CIB3: variants seen among roughly 807,000 people sequenced by gnomAD.
The protein encoded by CIB3 is calcium and integrin binding family member 3.
Under a neutral mutation model 23.4 loss-of-function variants are expected in CIB3, and 22 were observed. The observed-to-expected ratio is 0.94, with a 90% CI of 0.67 to 1.34. The LOEUF (loss-of-function observed/expected upper bound fraction) is 1.34, where lower values mean the gene tolerates loss of function less well. CIB3 is among the 40% of genes most tolerant of loss of function. The pLI, the probability that CIB3 is intolerant of heterozygous loss-of-function variation, is 0.00. For synonymous variants in CIB3, 93 were observed against 95.8 expected (o/e 0.97, Z 0.17); for missense variants, 258 against 247.3 (o/e 1.04, Z -0.29).
intron 4 of CIB3, among the ~76,000 whole-genome samples, chr19:16,166,148 G>A (rs545684209): frequency 9.2e-5 from 14 of 152,048 alleles, no homozygotes; most frequent in Admixed American, 3.3e-4. Flanking sequence ...AAAAATTAGC[G>A]GGGCGTGGTG....
chr19:16,173,501 G>C lies in CIB3; in HGVS notation c.-26C>G. The C allele has an allele frequency of 6.2e-7, 1 of 1,610,578 alleles. No homozygotes were observed. The highest frequency in any genetic ancestry group is 8.5e-7 in the Non-Finnish European group (1 of 1,176,836). Reference sequence around the variant, plus strand: ...GGTGTGAACCACAGCCCAGACTTGGGGATGCACCCCAAAGGCTCCCAGCTT... The same window carrying C: ...GGTGTGAACCACAGCCCAGACTTGGCGATGCACCCCAAAGGCTCCCAGCTT... On this transcript the variant is annotated 5_prime_UTR_variant, in exon 1 of 6. Transcript: ENST00000269878.
chr19:16,172,983 AAGGG>A (rs973630892), intron 2 of CIB3, among the ~76,000 whole-genome samples, 175 bp downstream of exon 2: 9 of 70,348 alleles, frequency 1.3e-4, no homozygotes, highest in South Asian at 6.0e-4. Context: ...GGAAGGAAGG[AAGGG>A]AGGGAGGGAG....
chr19:16,167,204 G>C (rs1269594074), intron 4 of CIB3, among the ~76,000 whole-genome samples: 1 of 151,474 alleles, frequency 6.6e-6, no homozygotes, highest in Non-Finnish European at 1.5e-5. Flanking sequence ...CTGGGGGACA[G>C]AGCAAGACTT....
At position 16,172,021 on chromosome 19, in the gene CIB3, C is replaced by T. The variant is rs10422465; in HGVS notation, c.86+1141G>A. ...CATCTGTGCCCATCGTGCTGGGTCA[C>T]GCCAGGGACCTGCAGCAGCCTTGGG... is the stretch of plus-strand genomic sequence containing the variant. On this transcript the variant is annotated intron_variant, in intron 2 of 5. Transcript: ENST00000269878. Among the ~76,000 whole-genome samples the T allele has an allele frequency of 3.5e-3, 534 of 152,340 alleles. 5 individuals are homozygous for T. The highest frequency in any genetic ancestry group is 0.012 in the African/African-American group (517 of 41,576).
intron 5 of CIB3, among the ~76,000 whole-genome samples, chr19:16,161,820 G>C (rs2091286146): frequency 6.6e-6 from 1 of 151,400 alleles, no homozygotes; most frequent in Admixed American, 6.6e-5. Flanking sequence ...TAGGATTACA[G>C]GTGCATGATA....
intron 2 of CIB3, among the ~76,000 whole-genome samples, chr19:16,171,054 T>C (rs1021051107): frequency 3.7e-4 from 56 of 150,522 alleles, no homozygotes; most frequent in Non-Finnish European, 7.4e-4. Context: ...AGGACAATGG[T>C]GTGAACCCGG....
At chr19:16,170,308 G>C (rs146862399) in intron 2 of CIB3, among the ~76,000 whole-genome samples, 39 of 152,300 alleles carry the variant, frequency 2.6e-4, no homozygotes, top group African/African-American at 8.4e-4. Context: ...GGAGAAGGGG[G>C]TTCCTGGAAG....
In CIB3 at chr19:16,168,164, T is replaced by C; in HGVS notation, c.319A>G (p.Lys107Glu). The C allele has an allele frequency of 1.2e-6, 2 of 1,610,972 alleles. No individual in the cohort carries two copies. Among genetic ancestry groups the C allele is most frequent in the Non-Finnish European group, 1.7e-6 (2 of 1,178,646 alleles). The change falls in exon 4 of 6, where the codon AAG becomes GAG. Residue 107 changes from lysine to glutamate, a missense_variant. Transcript: ENST00000269878. The part of the protein sequence containing the change: ...VMSEMAPRDL[K>E]AYYAFKIYDF... ...TAAATTTTAAAAGCATAGTAAGCCTTGAGGTCGCGGGGAGCCATTTCACTC... is the reference window on the plus strand; with the variant it reads ...TAAATTTTAAAAGCATAGTAAGCCTCGAGGTCGCGGGGAGCCATTTCACTC...
intron 3 of CIB3, among the ~76,000 whole-genome samples, chr19:16,168,881 C>T (rs1355306222): frequency 6.6e-6 from 1 of 152,168 alleles, no homozygotes. Context: ...CCAAACCATT[C>T]TGTCCCTCTC....
chr19:16,172,729 C>T (rs545945630), intron 2 of CIB3, among the ~76,000 whole-genome samples: 13 of 152,094 alleles, frequency 8.5e-5, no homozygotes, highest in African/African-American at 2.9e-4. Context: ...GCAGGGGGAT[C>T]GCTTGAGCCC....
At chr19:16,167,413 G>C (rs535660136) in intron 4 of CIB3, among the ~76,000 whole-genome samples, 1 of 152,160 alleles carries the variant, frequency 6.6e-6, no homozygotes, top group African/African-American at 2.4e-5. Context: ...AAGTCAATAA[G>C]AAGTGAACAG....
At chr19:16,167,739 G>A (rs2091311668) in intron 4 of CIB3, among the ~76,000 whole-genome samples, 1 of 152,198 alleles carries the variant, frequency 6.6e-6, no homozygotes, top group Admixed American at 6.5e-5. Flanking sequence ...GGCTGAGGCA[G>A]AAGAATCACT....
Position 16,168,203 on chromosome 19 carries a change from T to C in CIB3, c.280A>G (p.Met94Val), listed in dbSNP as rs761785259. 1.2e-6 allele frequency: 2 copies of C among 1,612,508 alleles called. No individual in the cohort carries two copies. The highest frequency in any genetic ancestry group is 1.7e-5 in the Admixed American group (1 of 59,860). Residue 94 changes from methionine to valine, a missense_variant, in exon 4 of 6, where the codon ATG becomes GTG. Met to Val is a conservative substitution (Grantham distance 21). Coordinates refer to ENST00000269878, the MANE Select transcript of CIB3 (RefSeq NM_054113.4). The part of the protein sequence containing the change: ...GHMTLDNFLD[M>V]FSVMSEMAPR... ...GCCATTTCACTCATCACGGAAAACA[T>C]GTCCAAAAAGTTGTCCAGGGTCATG...
chr19:16,166,284 G>T (rs147364223), intron 4 of CIB3, among the ~76,000 whole-genome samples: 3 of 152,018 alleles, frequency 2.0e-5, no homozygotes, highest in African/African-American at 7.2e-5. Context: ...AGAGTGAGAC[G>T]CTGTCTCAGT....
intron 5 of CIB3, 150 bp downstream of exon 5, chr19:16,164,568 G>A (rs1480981093): frequency 3.5e-5 from 26 of 738,452 alleles, no homozygotes; most frequent in Non-Finnish European, 4.8e-5. Context: ...TTTTACAGAT[G>A]CAGGGACTGA....
chr19:16,170,469 G>C (rs1196318641), intron 2 of CIB3, among the ~76,000 whole-genome samples: 1 of 152,176 alleles, frequency 6.6e-6, no homozygotes, highest in Non-Finnish European at 1.5e-5. Flanking sequence ...CATGTTATCA[G>C]CAAGACCCTG....
rs142580460 is a variant in CIB3 at position 16,167,052 on chromosome 19, C to T, written c.346+1085G>A. ...CCAACATGGTGAAACTCCGTCTCTA[C>T]TAAAAATACAAAAAATTAGTCAGGC... On this transcript the variant is annotated intron_variant, in intron 4 of 5. Coordinates refer to ENST00000269878, the MANE Select transcript of CIB3 (RefSeq NM_054113.4). Among the ~76,000 whole-genome samples the T allele has an allele frequency of 9.3e-3, 1,414 of 152,182 alleles. 7 individuals carry two copies. The highest frequency in any genetic ancestry group is 0.015 in the Non-Finnish European group (1,011 of 67,992).
At chr19:16,168,442 T>C (rs10405356) in intron 3 of CIB3, among the ~76,000 whole-genome samples, 158 bp from the exon 4 acceptor site, 94,601 of 151,942 alleles carry the variant, frequency 0.62, 32,309 homozygotes, top group East Asian at 0.95. Flanking sequence ...TTTGGACAAC[T>C]CCACCCTCCA....
chr19:16,165,292 C>CAAAAA (rs71178645), intron 4 of CIB3, among the ~76,000 whole-genome samples: 1 of 79,964 alleles, frequency 1.3e-5, no homozygotes, highest in East Asian at 3.6e-4. Flanking sequence ...AAACTCCGTC[C>CAAAAA]AAAAAAAAAA....
Sources: gnomAD v4.1 joint callset for allele counts (sites outside exome capture counted in the v4.1 genomes callset) on GRCh38, gnomAD v4.1.1 for gene constraint, MANE v1.5 for transcripts, NCBI Gene and HGNC (gene_info 2026-07-23, HGNC 2026-07-21) for gene names.